Variants in RPTOR observed in about 807,000 individuals in gnomAD.
The protein encoded by RPTOR is regulatory associated protein of MTOR complex 1, also known as regulatory-associated protein of mTOR.
Under a neutral mutation model 169.9 loss-of-function variants are expected in RPTOR, and 21 were observed. The ratio of observed to expected loss-of-function variants is 0.12; its 90% confidence interval spans 0.09 to 0.18. RPTOR has a LOEUF of 0.18. Ranked by LOEUF, RPTOR falls within the 10% of genes least tolerant of loss-of-function variation. The pLI, the probability that RPTOR is intolerant of heterozygous loss-of-function variation, is 1.00. For missense variants in RPTOR, 1,133 were observed against 1,855.9 expected, an observed-to-expected ratio of 0.61 and a Z score of 7.16; for synonymous variants, 732 against 753.2, an observed-to-expected ratio of 0.97 and a Z score of 0.46.
intron 3 of RPTOR, among the ~76,000 whole-genome samples, chr17:80,649,809 A>C (rs2065625348): frequency 6.6e-6 from 1 of 152,130 alleles, no homozygotes; most frequent in African/African-American, 2.4e-5. Flanking sequence ...CTCGCCTGAA[A>C]GCTTTTCCAC....
At position 80,878,873 on chromosome 17, in the gene RPTOR, C is replaced by T. The variant is rs747151818; in HGVS notation, c.1510-1542C>T. On this transcript the variant is annotated intron_variant, in intron 13 of 33. Transcript: ENST00000306801. The surrounding 1 kb of genome is among the most constrained non-coding windows in gnomAD (Gnocchi z 4.1). ...AAGTTAGGCAGCCTGGTGTGGCTTC[C>T]GGTAACACTGCCAGCCTCAGAGCCG... Among the ~76,000 whole-genome samples, 16 of 152,158 alleles carry T rather than the reference C, an allele frequency of 1.1e-4. No homozygotes were observed. Among genetic ancestry groups the T allele is most frequent in the Non-Finnish European group, 1.3e-4 (9 of 68,030 alleles).
chr17:80,647,708 T>C (rs1361986872), intron 3 of RPTOR, among the ~76,000 whole-genome samples: 2 of 152,148 alleles, frequency 1.3e-5, no homozygotes, highest in African/African-American at 4.8e-5. Flanking sequence ...CGGGCAGGTG[T>C]GTCTAGGGGA....
chr17:80,797,330 T>G (rs1347568448), intron 7 of RPTOR, among the ~76,000 whole-genome samples: 1 of 152,224 alleles, frequency 6.6e-6, no homozygotes, highest in East Asian at 1.9e-4. Context: ...GTTTTTTTTG[T>G]AGAGACAGGG....
At chr17:80,735,143 G>C (rs62067924) in intron 5 of RPTOR, among the ~76,000 whole-genome samples, 8,346 of 152,294 alleles carry the variant, frequency 0.055, 274 homozygotes, top group Non-Finnish European at 0.078. Context: ...GGTGACTAAA[G>C]GGAGTGGACT....
chr17:80,780,619 T>C (rs2066931973), intron 6 of RPTOR, among the ~76,000 whole-genome samples: 1 of 152,176 alleles, frequency 6.6e-6, no homozygotes, highest in Non-Finnish European at 1.5e-5. Flanking sequence ...ATACGTATAC[T>C]TTTCATTTTT....
chr17:80,759,980 G>A lies in RPTOR; in HGVS notation c.830+5795G>A, dbSNP rs142127242. On this transcript the variant is annotated intron_variant, in intron 6 of 33. Transcript: ENST00000306801. ...TACGATTTCATATCCTTAACCCTTCGCATTATACTAGAGTTCCCTGCCCTA... is the reference window on the plus strand; with the variant it reads ...TACGATTTCATATCCTTAACCCTTCACATTATACTAGAGTTCCCTGCCCTA... Among the ~76,000 whole-genome samples, 364 of 152,192 alleles carry A rather than the reference G, an allele frequency of 2.4e-3. 2 individuals carry two copies. The highest frequency in any genetic ancestry group is 8.0e-3 in the African/African-American group (331 of 41,520).
intron 21 of RPTOR, among the ~76,000 whole-genome samples, chr17:80,917,172 G>C (rs2068683247): frequency 6.6e-6 from 1 of 151,220 alleles, no homozygotes; most frequent in Non-Finnish European, 1.5e-5. Flanking sequence ...GAGTGCAGTG[G>C]CGCGATCTCA....
chr17:80,952,570 C>T (rs1171531095), intron 28 of RPTOR, among the ~76,000 whole-genome samples: 1 of 152,228 alleles, frequency 6.6e-6, no homozygotes. Flanking sequence ...AAGCCAGGCT[C>T]CCCACGTCAC....
chr17:80,956,333 T>C (rs552878319), intron 28 of RPTOR, among the ~76,000 whole-genome samples: 1 of 152,362 alleles, frequency 6.6e-6, no homozygotes, highest in South Asian at 2.1e-4. Flanking sequence ...TGGTTATCAT[T>C]ACAGTTTTAG....
chr17:80,889,576 TGAGA>T, intron 17 of RPTOR, among the ~76,000 whole-genome samples: 1 of 152,142 alleles, frequency 6.6e-6, no homozygotes, highest in South Asian at 2.1e-4. Context: ...TTGCAAAAGC[TGAGA>T]GAGAGGGGAG....
At chr17:80,631,378 C>G (rs927851227) in intron 2 of RPTOR, among the ~76,000 whole-genome samples, 1 of 152,130 alleles carries the variant, frequency 6.6e-6, no homozygotes, top group Non-Finnish European at 1.5e-5. Context: ...AGTGTGAGTG[C>G]CCCTTGTGCC....
At chr17:80,871,300 G>A (rs761047413) in intron 13 of RPTOR, among the ~76,000 whole-genome samples, 7 of 152,088 alleles carry the variant, frequency 4.6e-5, no homozygotes, top group South Asian at 2.1e-4. Flanking sequence ...TAGTAGAGAC[G>A]CAGTTTCACC....
At chr17:80,753,211 C>T (rs1233844195) in intron 5 of RPTOR, among the ~76,000 whole-genome samples, 2 of 152,168 alleles carry the variant, frequency 1.3e-5, no homozygotes, top group African/African-American at 2.4e-5. Flanking sequence ...TTTGATGGGT[C>T]GCTTTAGTCA....
At chr17:80,814,008 G>A (rs1159565879) in intron 7 of RPTOR, among the ~76,000 whole-genome samples, 1 of 152,126 alleles carries the variant, frequency 6.6e-6, no homozygotes, top group African/African-American at 2.4e-5. Flanking sequence ...GGTGGCATGT[G>A]CCTGTGGTCC....
At chr17:80,818,592 C>G (rs2067347539) in intron 7 of RPTOR, among the ~76,000 whole-genome samples, 1 of 152,154 alleles carries the variant, frequency 6.6e-6, no homozygotes, top group African/African-American at 2.4e-5. Flanking sequence ...TTGTCACCCC[C>G]AGTAGGACCA....
intron 3 of RPTOR, among the ~76,000 whole-genome samples, chr17:80,685,631 T>TC (rs1230782041): frequency 1.6e-4 from 6 of 36,930 alleles, no homozygotes; most frequent in Admixed American, 3.8e-4. Context: ...ATATATATTT[T>TC]TTTTTTTTTT....
chr17:80,647,596 A>G (rs1302262429), intron 3 of RPTOR, among the ~76,000 whole-genome samples: 10 of 152,300 alleles, frequency 6.6e-5, no homozygotes, highest in African/African-American at 1.9e-4. Flanking sequence ...GTGAGCTTTA[A>G]TTCTTCTGGT....
At chr17:80,963,446 CCT>C (rs1568014938) in intron 33 of RPTOR, among the ~76,000 whole-genome samples, 2 of 96,988 alleles carry the variant, frequency 2.1e-5, no homozygotes. Flanking sequence ...CACCCCGTCC[CCT>C]CTGCGGCCCT....
At chr17:80,897,323 C>G (rs1480493731) in intron 20 of RPTOR, among the ~76,000 whole-genome samples, 1 of 151,926 alleles carries the variant, frequency 6.6e-6, no homozygotes, top group African/African-American at 2.4e-5. Context: ...TAACCTTTTA[C>G]CTTTGATACG....
Sources: gnomAD v4.1 joint callset for allele counts (sites outside exome capture counted in the v4.1 genomes callset) on GRCh38, gnomAD v4.1.1 for gene constraint, Gnocchi (gnomAD v3.1) non-coding constraint, MANE v1.5 for transcripts, NCBI Gene and HGNC (gene_info 2026-07-23, HGNC 2026-07-21) for gene names.